Variants in TMEM182 observed in about 807,000 individuals in gnomAD.
TMEM182 encodes transmembrane protein 182.
Under a neutral mutation model 26.8 loss-of-function variants are expected in TMEM182, and 20 were observed. That is an observed-to-expected ratio of 0.75 (90% CI 0.53 to 1.09). The LOEUF (loss-of-function observed/expected upper bound fraction) is 1.09. TMEM182 is among the 50% of genes least tolerant of loss of function. TMEM182 has a pLI of 0.00. For missense variants in TMEM182, 277 were observed against 275.5 expected, an observed-to-expected ratio of 1.01 and a Z score of -0.04; for synonymous variants, 109 against 102.2, an observed-to-expected ratio of 1.07 and a Z score of -0.40.
At chr2:102,746,334 A>G (rs926460792) in intron 1 of TMEM182, among the ~76,000 whole-genome samples, 1 of 152,138 alleles carries the variant, frequency 6.6e-6, no homozygotes, top group African/African-American at 2.4e-5. Flanking sequence ...TCTAAATACA[A>G]TTCCCTTATC....
At chr2:102,784,092 C>T (rs1681285827) in intron 3 of TMEM182, among the ~76,000 whole-genome samples, 1 of 152,170 alleles carries the variant, frequency 6.6e-6, no homozygotes, top group Non-Finnish European at 1.5e-5. Flanking sequence ...CAGGTACAAC[C>T]CTCTCAGCCC....
chr2:102,805,525 A>G (rs796360161), intron 4 of TMEM182, among the ~76,000 whole-genome samples: 3 of 152,236 alleles, frequency 2.0e-5, no homozygotes, highest in African/African-American at 7.2e-5. Context: ...TCACCATCTC[A>G]GGAATACCTT....
intron 1 of TMEM182, among the ~76,000 whole-genome samples, chr2:102,753,514 G>A (rs905962347): frequency 4.0e-5 from 6 of 149,820 alleles, no homozygotes; most frequent in African/African-American, 1.2e-4. Context: ...CTAATAAGTC[G>A]TTGTTCTACT....
intron 3 of TMEM182, among the ~76,000 whole-genome samples, chr2:102,770,612 A>C (rs952600705): frequency 7.2e-5 from 11 of 152,166 alleles, no homozygotes; most frequent in Admixed American, 7.2e-4. Context: ...TCACAGGAAG[A>C]GAGGTTAGAC....
intron 3 of TMEM182, 60 bp from the exon 4 acceptor site, chr2:102,797,803 C>T (rs1196921387): frequency 8.3e-6 from 13 of 1,560,064 alleles, no homozygotes; most frequent in Non-Finnish European, 1.1e-5. Flanking sequence ...TGACAATCTG[C>T]TGTGTACACA....
Position 102,762,199 on chromosome 2 carries a change from G to T in TMEM182, c.-19G>T, listed in dbSNP as rs1367613090. 1.3e-6 allele frequency: 2 copies of T among 1,596,610 alleles called. No individual in the cohort carries two copies. The highest frequency in any genetic ancestry group is 4.6e-5 in the East Asian group (2 of 43,880). ...TTAAAATTTCATATTTTATTTAAAA[G>T]GAAACCAGTGAATTGAAAATGAGAC... On this transcript the variant is annotated 5_prime_UTR_variant, in exon 1 of 5. It adds an upstream start codon to the 5' untranslated region. Coordinates refer to ENST00000412401, the MANE Select transcript of TMEM182 (RefSeq NM_144632.5).
chr2:102,830,058 T>A (rs557590135), intron 3 of TMEM182, among the ~76,000 whole-genome samples: 1 of 152,200 alleles, frequency 6.6e-6, no homozygotes, highest in Non-Finnish European at 1.5e-5. Context: ...TTTGTTGAGA[T>A]GTTAGTGTTC....
At chr2:102,818,745 C>CTAT (rs1682834227), downstream of TMEM182, among the ~76,000 whole-genome samples, 1 of 136,410 alleles carries the variant, frequency 7.3e-6, no homozygotes, top group Non-Finnish European at 1.6e-5. Flanking sequence ...TCTATTTAAT[C>CTAT]CTATCTATCT....
chr2:102,737,009 A>C, exon 1 of TMEM182: 1 of 586,468 alleles, frequency 1.7e-6, no homozygotes, highest in Non-Finnish European at 3.0e-6. Flanking sequence ...CACATCATCA[A>C]TACGGTAAGC....
In TMEM182 at chr2:102,768,585, C is replaced by G. The variant is rs115669213; in HGVS notation, c.331+4158C>G. ...GAGGGGTGGTGCACATCTGCAATCC[C>G]AACTACTCAGGAGGCTGAGGCATGA... is the stretch of plus-strand genomic sequence containing the variant. On this transcript the variant is annotated intron_variant, in intron 3 of 4. Transcript: ENST00000412401. 7.9e-3 allele frequency among the ~76,000 whole-genome samples: 1,204 copies of G among 151,726 alleles called. 19 individuals carry two copies. The highest frequency in any genetic ancestry group is 0.027 in the African/African-American group (1,121 of 41,392).
rs1216898135 is a variant in TMEM182, at chr2:102,766,542, G to A, written c.331+2115G>A. 2.6e-5 allele frequency among the ~76,000 whole-genome samples: 4 copies of A among 151,986 alleles called. No homozygotes were observed. The East Asian group carries it at 5.8e-4, about 22-fold the overall frequency. ...CACTCATCTCCATAATAATATACAAGGAAATTTGATATTATCTTTGTTAAA... is the reference window on the plus strand; with the variant it reads ...CACTCATCTCCATAATAATATACAAAGAAATTTGATATTATCTTTGTTAAA... On this transcript the variant is annotated intron_variant, in intron 3 of 4. Transcript: ENST00000412401.
rs144531494 is a variant in TMEM182 at position 102,837,744 on chromosome 2, T to C, written c.326-5668T>C. On this transcript the variant is annotated intron_variant, in intron 3 of 3. Transcript: ENST00000486293. ...TGGGCCCTGAGTACCTCAAGTGGCC[T>C]TGGGTCTAGCTGCACTCTCCTGCTT... Among the ~76,000 whole-genome samples the C allele has an allele frequency of 5.1e-4, 78 of 152,282 alleles. No homozygotes were observed. The East Asian group carries it at 0.014, about 28-fold the overall frequency.
intron 3 of TMEM182, among the ~76,000 whole-genome samples, chr2:102,792,397 C>G (rs751667280): frequency 1.3e-5 from 2 of 152,148 alleles, no homozygotes; most frequent in African/African-American, 2.4e-5. Context: ...TAAAGTCTAT[C>G]ATAGTCACAC....
At chr2:102,803,892 C>A (rs1292302445) in intron 4 of TMEM182, among the ~76,000 whole-genome samples, 1 of 151,616 alleles carries the variant, frequency 6.6e-6, no homozygotes, top group Non-Finnish European at 1.5e-5. Context: ...CAGGCACACG[C>A]AGCCCTGCCG....
chr2:102,825,092 G>C (rs1219259521), intron 3 of TMEM182, among the ~76,000 whole-genome samples: 1 of 152,284 alleles, frequency 6.6e-6, no homozygotes, highest in Non-Finnish European at 1.5e-5. Context: ...ATCATGAAAT[G>C]ATGAGCCTCA....
intron 3 of TMEM182, among the ~76,000 whole-genome samples, chr2:102,793,008 G>A (rs966130095): frequency 6.6e-6 from 1 of 150,578 alleles, no homozygotes; most frequent in Non-Finnish European, 1.5e-5. Flanking sequence ...CTGCCTTGAC[G>A]CTCCTGCTGC....
intron 4 of TMEM182, among the ~76,000 whole-genome samples, chr2:102,801,631 C>T (rs1031527669): frequency 2.6e-5 from 4 of 151,996 alleles, no homozygotes; most frequent in Non-Finnish European, 4.4e-5. Context: ...TTCATTGTGC[C>T]GCTTAGATAA....
At chr2:102,817,814 G>A (rs2104763878), downstream of TMEM182, 2 of 682,076 alleles carry the variant, frequency 2.9e-6, no homozygotes, top group Admixed American at 6.3e-5. Context: ...ACATTGAATG[G>A]TATAAATCAA....
chr2:102,843,430 G>A (rs1381077893), exon 4 of TMEM182: 1 of 152,094 alleles, frequency 6.6e-6, no homozygotes, highest in Non-Finnish European at 1.5e-5. Context: ...TCTTCTCTCT[G>A]TTACTCAAGC....
Sources: gnomAD v4.1 joint callset for allele counts (sites outside exome capture counted in the v4.1 genomes callset) on GRCh38, gnomAD v4.1.1 for gene constraint, MANE v1.5 for transcripts, NCBI Gene and HGNC (gene_info 2026-07-23, HGNC 2026-07-21) for gene names.